The following FRYL variants were observed in gnomAD, a reference collection of about 807,000 sequenced individuals.
FRYL encodes the protein protein furry homolog-like.
FRYL carries 150 observed loss-of-function variants against 351.2 expected under a neutral mutation model. The observed-to-expected ratio is 0.43, with a 90% CI of 0.37 to 0.49. The LOEUF (loss-of-function observed/expected upper bound fraction) is 0.49, where lower values mean the gene tolerates loss of function less well. FRYL is among the 20% of genes least tolerant of loss of function. The pLI, the probability that FRYL is intolerant of heterozygous loss-of-function variation, is 0.00. For missense variants in FRYL, 3,036 were observed against 3,619.3 expected, an observed-to-expected ratio of 0.84 and a Z score of 4.13; for synonymous variants, 1,153 against 1,257.1, an observed-to-expected ratio of 0.92 and a Z score of 1.75.
chr4:48,716,773 T>A (rs571463659), intron 1 of FRYL, among the ~76,000 whole-genome samples: 1 of 151,680 alleles, frequency 6.6e-6, no homozygotes, highest in African/African-American at 2.4e-5. Flanking sequence ...CATTACTGGG[T>A]ATATACCCAA....
In FRYL at chr4:48,657,856, T is replaced by C. The variant is rs184967888; in HGVS notation, c.-80-23366A>G. ...TGAGCCAAATACTATATACTAAAGA[T>C]TTGACACAAAAGATGACCATAGAAG... On this transcript the variant is annotated intron_variant, in intron 3 of 63. Transcript: ENST00000358350. Among the ~76,000 whole-genome samples the C allele has an allele frequency of 2.1e-4, 32 of 152,342 alleles. No individual in the cohort carries two copies. In the East Asian group the frequency reaches 5.6e-3, roughly 27 times the overall value.
At chr4:48,514,011 C>T (rs1325829566) in intron 56 of FRYL, among the ~76,000 whole-genome samples, 1 of 152,086 alleles carries the variant, frequency 6.6e-6, no homozygotes, top group Non-Finnish European at 1.5e-5. Context: ...AAAGGTGTAT[C>T]ACTAAGATTT....
chr4:48,733,841 C>T (rs947463597), intron 1 of FRYL, among the ~76,000 whole-genome samples: 2 of 151,976 alleles, frequency 1.3e-5, no homozygotes, highest in African/African-American at 4.8e-5. Context: ...AAAAGTAACA[C>T]TATACCACTA....
intron 1 of FRYL, among the ~76,000 whole-genome samples, chr4:48,743,511 T>C (rs1772342184): frequency 1.3e-5 from 2 of 152,178 alleles, no homozygotes; most frequent in Admixed American, 1.3e-4. Context: ...TCACTGGTAA[T>C]ACCAAGACCA....
At chr4:48,760,635 T>C (rs1774306134) in intron 1 of FRYL, among the ~76,000 whole-genome samples, 1 of 152,152 alleles carries the variant, frequency 6.6e-6, no homozygotes, top group South Asian at 2.1e-4. Flanking sequence ...AGGGAAAATG[T>C]TGTCATTCAT....
chr4:48,719,604 AACAG>A (rs1769236597), intron 1 of FRYL, among the ~76,000 whole-genome samples: 1 of 151,636 alleles, frequency 6.6e-6, no homozygotes, highest in Admixed American at 6.6e-5. Flanking sequence ...AAAACAAAAC[AACAG>A]AAATATCTTT....
chr4:48,637,870 T>C (rs1310957427), intron 3 of FRYL: 1 of 152,080 alleles, frequency 6.6e-6, no homozygotes. Flanking sequence ...TTAAATTCAG[T>C]CAAAAAGAAG....
At chr4:48,633,593 T>C (rs182180245) in intron 4 of FRYL, among the ~76,000 whole-genome samples, 29 of 152,334 alleles carry the variant, frequency 1.9e-4, no homozygotes, top group Non-Finnish European at 1.5e-4. Flanking sequence ...AAAGTAAATA[T>C]ATTATCATCT....
chr4:48,521,362 C>T, intron 54 of FRYL, 147 bp from the exon 55 acceptor site: 1 of 612,296 alleles, frequency 1.6e-6, no homozygotes, highest in Non-Finnish European at 2.8e-6. Context: ...CAGTCTACAC[C>T]AGAATGGGTG....
At chr4:48,740,324 T>TC (rs1168979178) in intron 1 of FRYL, among the ~76,000 whole-genome samples, 2 of 132,836 alleles carry the variant, frequency 1.5e-5, no homozygotes, top group Non-Finnish European at 3.1e-5. Flanking sequence ...AGACAGAGTC[T>TC]CGCTCTGTCA....
intron 1 of FRYL, 110 bp from the exon 2 acceptor site, chr4:48,710,808 C>T (rs1294215856): frequency 1.3e-5 from 5 of 387,880 alleles, no homozygotes; most frequent in African/African-American, 8.3e-5. Flanking sequence ...GCAAGTTCCT[C>T]AAAGGTGAAA....
chr4:48,573,171 C>A lies in FRYL; in HGVS notation c.2904+15G>T, dbSNP rs1251156983. 1 of 1,597,952 alleles carries A rather than the reference C, an allele frequency of 6.3e-7. No homozygotes were observed. Among genetic ancestry groups the A allele is most frequent in the Admixed American group, 1.7e-5 (1 of 59,572 alleles). Reference sequence around the variant, plus strand: ...ATGAATGTTCACTAATACAAGGCTGCAGAACACAGCTCACCTCTGGCCTTC... The same window carrying A: ...ATGAATGTTCACTAATACAAGGCTGAAGAACACAGCTCACCTCTGGCCTTC... On this transcript the variant is annotated intron_variant, in intron 26 of 63. Coordinates refer to ENST00000358350, the MANE Select transcript of FRYL (RefSeq NM_015030.2).
chr4:48,693,787 C>T (rs1333646135), intron 2 of FRYL, among the ~76,000 whole-genome samples: 2 of 152,148 alleles, frequency 1.3e-5, no homozygotes, highest in East Asian at 3.8e-4. Flanking sequence ...TGCTGATTCT[C>T]CAAAACAATA....
intron 50 of FRYL, among the ~76,000 whole-genome samples, chr4:48,529,806 C>T (rs1285972037): frequency 6.6e-6 from 1 of 151,934 alleles, no homozygotes; most frequent in Non-Finnish European, 1.5e-5. Context: ...GCTCAGGTGC[C>T]AGAGGGAAAA....
At chr4:48,584,881 G>A (rs1305156871) in intron 19 of FRYL, among the ~76,000 whole-genome samples, 1 of 152,196 alleles carries the variant, frequency 6.6e-6, no homozygotes, top group Non-Finnish European at 1.5e-5. Context: ...GAAGAGAGGA[G>A]AGAATAGAAT....
At chr4:48,577,272 T>C (rs975354019) in intron 23 of FRYL, among the ~76,000 whole-genome samples, 3 of 152,200 alleles carry the variant, frequency 2.0e-5, no homozygotes, top group Admixed American at 6.5e-5. Context: ...ATTCCATAAA[T>C]CTTTCCAAAT....
intron 3 of FRYL, among the ~76,000 whole-genome samples, chr4:48,642,951 T>G (rs1755619530): frequency 6.6e-6 from 1 of 152,132 alleles, no homozygotes; most frequent in African/African-American, 2.4e-5. Context: ...TTCTAGCAAA[T>G]GAACAAGCTG....
intron 1 of FRYL, among the ~76,000 whole-genome samples, chr4:48,765,463 T>C (rs1246198530): frequency 2.6e-5 from 4 of 152,136 alleles, no homozygotes; most frequent in Non-Finnish European, 4.4e-5. Context: ...AAGAATGAAA[T>C]TGGATCCTTA....
chr4:48,556,894 G>T, intron 35 of FRYL, 84 bp downstream of exon 35: 1 of 1,271,612 alleles, frequency 7.9e-7, no homozygotes, highest in Non-Finnish European at 1.1e-6. Flanking sequence ...CCTCTCCTGG[G>T]CAACTGCTGC....
Sources: allele counts gnomAD v4.1 joint callset (sites outside exome capture counted in the v4.1 genomes callset), GRCh38; gene constraint gnomAD v4.1.1; transcripts MANE v1.5; gene names NCBI Gene and HGNC (gene_info 2026-07-23, HGNC 2026-07-21).